Variants in ATP8B4 observed in about 807,000 individuals in gnomAD.
The protein encoded by ATP8B4 is probable phospholipid-transporting ATPase IM.
In ATP8B4, 133 loss-of-function variants were observed where a neutral mutation model predicts 145.6. That is an observed-to-expected ratio of 0.91 (90% CI 0.79 to 1.05). The LOEUF (loss-of-function observed/expected upper bound fraction) is 1.05. ATP8B4 is among the 50% of genes least tolerant of loss of function. The probability of loss-of-function intolerance (pLI) is 0.00; values close to 1 mark genes in which losing one functional copy is unlikely to be tolerated. For missense variants in ATP8B4, 1,458 were observed against 1,425.2 expected, an observed-to-expected ratio of 1.02 and a Z score of -0.37; for synonymous variants, 507 against 492.9, an observed-to-expected ratio of 1.03 and a Z score of -0.38.
rs563990336 is a variant in ATP8B4, at chr15:49,858,884, A to G, written c.*1310T>C. 4.6e-5 allele frequency: 7 copies of G among 152,318 alleles called. No individual in the cohort carries two copies. Among genetic ancestry groups the G allele is most frequent in the African/African-American group, 1.7e-4 (7 of 41,572 alleles). The allele number at this position is 152,318 out of a possible 1,614,324, so 9.4% of individuals were successfully genotyped here. ...AACTTAACTCATCTGTTTATGAAAT[A>G]ATTATGTTTTTAATAATTTCAGAGT... On this transcript the variant is annotated 3_prime_UTR_variant, in exon 28 of 28. Transcript: ENST00000284509.
At chr15:50,094,859 G>C (rs189343167) in intron 2 of ATP8B4, among the ~76,000 whole-genome samples, 1 of 151,952 alleles carries the variant, frequency 6.6e-6, no homozygotes, top group Non-Finnish European at 1.5e-5. Flanking sequence ...TTCACTGCGA[G>C]CTCAGTGAGC....
intron 6 of ATP8B4, among the ~76,000 whole-genome samples, chr15:50,013,294 T>A (rs1003028295): frequency 2.0e-5 from 3 of 152,102 alleles, no homozygotes; most frequent in Non-Finnish European, 4.4e-5. Context: ...TTTAAAGCAA[T>A]CTTGCACCAT....
At chr15:49,974,073 T>A (rs963060305) in intron 12 of ATP8B4, among the ~76,000 whole-genome samples, 8 of 148,714 alleles carry the variant, frequency 5.4e-5, no homozygotes, top group Admixed American at 4.7e-4. Context: ...ATCCAATTTA[T>A]CATTTGTCTT....
At chr15:49,996,567 T>C (rs2047443009) in intron 9 of ATP8B4, 110 bp downstream of exon 9, 1 of 881,086 alleles carries the variant, frequency 1.1e-6, no homozygotes, top group Admixed American at 2.4e-5. Context: ...CTGGAGAATT[T>C]GATGTCCTTC....
intron 2 of ATP8B4, among the ~76,000 whole-genome samples, chr15:50,080,955 T>C (rs1009753493): frequency 6.6e-6 from 1 of 151,230 alleles, no homozygotes. Flanking sequence ...CTACGAAAAA[T>C]ACAAAAAATT....
rs555138652 is a variant in ATP8B4, at chr15:50,021,851, G to A, written c.363-10934C>T. 1.6e-4 allele frequency among the ~76,000 whole-genome samples: 24 copies of A among 152,278 alleles called. No homozygotes were observed. In the South Asian group the frequency reaches 5.0e-3, roughly 32 times the overall value. On this transcript the variant is annotated intron_variant, in intron 6 of 27. Coordinates refer to ENST00000284509, the MANE Select transcript of ATP8B4 (RefSeq NM_024837.4). ...TAGGGGCTCAATACATATTGGTGAAGGAATATTTGAACAGATTAGCTATTT... is the reference window on the plus strand; with the variant it reads ...TAGGGGCTCAATACATATTGGTGAAAGAATATTTGAACAGATTAGCTATTT...
chr15:50,129,483 C>T (rs957298556), intron 1 of ATP8B4, among the ~76,000 whole-genome samples: 3 of 152,164 alleles, frequency 2.0e-5, no homozygotes, highest in African/African-American at 7.2e-5. Flanking sequence ...CAACACATGG[C>T]ATGCCCTTTG....
chr15:50,054,814 A>AAC (rs2052481176), intron 3 of ATP8B4, among the ~76,000 whole-genome samples: 3 of 149,706 alleles, frequency 2.0e-5, no homozygotes, highest in African/African-American at 5.0e-5. Context: ...AAAAAACAAA[A>AAC]AAAAAAAAAC....
At chr15:49,913,991 T>C (rs559845016) in intron 20 of ATP8B4, among the ~76,000 whole-genome samples, 6 of 152,194 alleles carry the variant, frequency 3.9e-5, no homozygotes, top group African/African-American at 1.2e-4. Context: ...AACATTCATA[T>C]GGAACCAAAA....
rs141757090 is a variant in ATP8B4 at position 50,006,162 on chromosome 15, T to A, written c.436-3939A>T. Among the ~76,000 whole-genome samples, 87 of 152,196 alleles carry A rather than the reference T, an allele frequency of 5.7e-4. No individual in the cohort carries two copies. The East Asian group carries it at 9.3e-3, about 16-fold the overall frequency. The stretch of plus-strand genomic sequence containing the variant: ...TACTAATATGTACGGGATACATCAT[T>A]GTTTTTCTAATTACAGTGATTTGAG... On this transcript the variant is annotated intron_variant, in intron 7 of 27. Coordinates refer to ENST00000284509, the MANE Select transcript of ATP8B4 (RefSeq NM_024837.4).
rs139275825 is a variant in ATP8B4 at position 49,940,111 on chromosome 15, G to T, written c.1288-5929C>A. Among the ~76,000 whole-genome samples, 574 of 152,228 alleles carry T rather than the reference G, an allele frequency of 3.8e-3. 7 individuals are homozygous for T. Among genetic ancestry groups the T allele is most frequent in the African/African-American group, 0.013 (559 of 41,532 alleles). ...CACATGCACTTGTATGTTCATCATG[G>T]TATTATTCACAATAGCAAAGACATG... On this transcript the variant is annotated intron_variant, in intron 14 of 27. Transcript: ENST00000284509.
chr15:49,889,959 T>A (rs1408853554), intron 23 of ATP8B4, among the ~76,000 whole-genome samples: 1 of 152,208 alleles, frequency 6.6e-6, no homozygotes, highest in African/African-American at 2.4e-5. Flanking sequence ...TTTGACAGGG[T>A]TGGCCCCAAG....
Position 49,979,749 on chromosome 15 carries a change from T to C in ATP8B4, c.902A>G (p.Gln301Arg). 7 of 1,611,512 alleles carry C rather than the reference T, an allele frequency of 4.3e-6. No individual in the cohort carries two copies. The highest frequency in any genetic ancestry group is 5.1e-6 in the Non-Finnish European group (6 of 1,178,146). ...GAAAGTTCTGAATTGGTCCCCAGTT[T>C]GACTCTCCCAGATTGAATTTCCTAT... ...LAIGNSIWES[Q>R]TGDQFRTFLF... is the part of the protein sequence containing the mutation. Residue 301 changes from glutamine (Q) to arginine (R), a missense_variant, in exon 12 of 28, where the codon CAA becomes CGA. By Grantham distance (43) the Gln-to-Arg change is conservative. Transcript: ENST00000284509.
At chr15:50,010,746 TG>T in intron 7 of ATP8B4, 98 bp downstream of exon 7, 1 of 697,092 alleles carries the variant, frequency 1.4e-6, no homozygotes, top group Non-Finnish European at 2.2e-6. Flanking sequence ...ATAATTATTC[TG>T]GATTAGTAAG....
chr15:50,161,179 T>C (rs1300487346), intron 1 of ATP8B4, among the ~76,000 whole-genome samples: 1 of 152,140 alleles, frequency 6.6e-6, no homozygotes, highest in Non-Finnish European at 1.5e-5. Flanking sequence ...CCAATATAAG[T>C]ATAGTTACTC....
chr15:49,927,453 C>A (rs1374415928), intron 16 of ATP8B4, among the ~76,000 whole-genome samples: 1 of 152,050 alleles, frequency 6.6e-6, no homozygotes, highest in African/African-American at 2.4e-5. Context: ...TGTTATCATG[C>A]AAAGACTTTT....
At chr15:49,874,588 G>T (rs1421709686) in intron 25 of ATP8B4, among the ~76,000 whole-genome samples, 3 of 152,206 alleles carry the variant, frequency 2.0e-5, no homozygotes, top group Non-Finnish European at 4.4e-5. Context: ...CATCCTGAAT[G>T]AGGGGCTAAT....
rs146391588 is a variant in ATP8B4 at position 50,017,771 on chromosome 15, A to T, written c.363-6854T>A. 1.3e-3 allele frequency among the ~76,000 whole-genome samples: 193 copies of T among 152,308 alleles called. 1 individual carries two copies. The highest frequency in any genetic ancestry group is 4.5e-3 in the African/African-American group (185 of 41,566). ...TGATGTGGTTTGTTCTGGCCAGAAA[A>T]CCTAACATTCTGGAAATAGCATTTC... On this transcript the variant is annotated intron_variant, in intron 6 of 27. Coordinates refer to ENST00000284509, the MANE Select transcript of ATP8B4 (RefSeq NM_024837.4).
intron 14 of ATP8B4, among the ~76,000 whole-genome samples, chr15:49,940,791 G>T (rs1022725759): frequency 6.6e-6 from 1 of 152,046 alleles, no homozygotes; most frequent in African/African-American, 2.4e-5. Context: ...TTTGCCTATT[G>T]CACTCTAAAA....
Sources: allele counts gnomAD v4.1 joint callset (sites outside exome capture counted in the v4.1 genomes callset), GRCh38; gene constraint gnomAD v4.1.1; transcripts MANE v1.5; gene names NCBI Gene and HGNC (gene_info 2026-07-23, HGNC 2026-07-21).